The following PECR variants were observed in gnomAD, a reference collection of about 807,000 sequenced individuals.
The protein encoded by PECR is peroxisomal trans-2-enoyl-CoA reductase.
In PECR, 30 loss-of-function variants were observed where a neutral mutation model predicts 35.3. The ratio of observed to expected loss-of-function variants is 0.85; its 90% CI spans 0.64 to 1.15. The LOEUF (loss-of-function observed/expected upper bound fraction) is 1.15, where lower values mean the gene tolerates loss of function less well. Ranked by LOEUF, PECR falls within the 50% of genes most tolerant of loss-of-function variation. The pLI is 0.00. For synonymous variants in PECR, 148 were observed against 138.9 expected (o/e 1.07, Z -0.46); for missense variants, 392 against 370.8 (o/e 1.06, Z -0.47).
chr2:216,075,516 T>C (rs1409159194), intron 1 of PECR, among the ~76,000 whole-genome samples: 2 of 152,234 alleles, frequency 1.3e-5, no homozygotes, highest in Non-Finnish European at 2.9e-5. Context: ...CCTCTTATGC[T>C]ACCTTATAAT....
intron 7 of PECR, among the ~76,000 whole-genome samples, chr2:216,029,271 AGATTGAGACCATCGTC>A (rs1239159191): frequency 6.6e-6 from 1 of 152,044 alleles, no homozygotes; most frequent in African/African-American, 2.4e-5. Flanking sequence ...CGAGGTCAAG[AGATTGAGACCATCGTC>A]GCCAACATGG....
At chr2:216,045,793 T>C (rs1157455760) in intron 6 of PECR, among the ~76,000 whole-genome samples, 1 of 152,242 alleles carries the variant, frequency 6.6e-6, no homozygotes, top group Non-Finnish European at 1.5e-5. Flanking sequence ...CTTGCTCCAA[T>C]GAGCTCCTTT....
chr2:216,077,244 C>T (rs1323935126), intron 1 of PECR, among the ~76,000 whole-genome samples: 2 of 152,174 alleles, frequency 1.3e-5, no homozygotes, highest in African/African-American at 2.4e-5. Flanking sequence ...CCGAGGCTCA[C>T]GCCTGTAATC....
intron 3 of PECR, among the ~76,000 whole-genome samples, chr2:216,063,075 T>C (rs16855354): frequency 0.12 from 17,519 of 152,270 alleles, 1,457 homozygotes; most frequent in South Asian, 0.24. Flanking sequence ...TTTCTATTCA[T>C]ATATATGCAC....
chr2:216,029,922 G>C (rs550560273), intron 7 of PECR, among the ~76,000 whole-genome samples: 1 of 152,154 alleles, frequency 6.6e-6, no homozygotes, highest in East Asian at 1.9e-4. Flanking sequence ...TGGCTGAGTC[G>C]TATCTCTTAT....
At chr2:216,043,037 G>GTATATATATATACACATACGTATATA (rs1443360205) in intron 7 of PECR, among the ~76,000 whole-genome samples, 5 of 32,160 alleles carry the variant, frequency 1.6e-4, no homozygotes, top group Non-Finnish European at 3.4e-4. Flanking sequence ...ATATATGTAT[G>GTATATATATATACACATACGTATATA]TGTATATATA....
chr2:216,069,584 G>A (rs1421439206), intron 1 of PECR, among the ~76,000 whole-genome samples: 1 of 152,152 alleles, frequency 6.6e-6, no homozygotes, highest in African/African-American at 2.4e-5. Flanking sequence ...GAAAGTGCCT[G>A]TGACAAAGAA....
chr2:216,032,174 T>A (rs1694720597), intron 7 of PECR, among the ~76,000 whole-genome samples: 1 of 152,236 alleles, frequency 6.6e-6, no homozygotes, highest in South Asian at 2.1e-4. Flanking sequence ...TCCATGATAA[T>A]CATTTGCATT....
chr2:216,067,273 T>C (rs1374792330), intron 1 of PECR, among the ~76,000 whole-genome samples: 1 of 152,048 alleles, frequency 6.6e-6, no homozygotes, highest in African/African-American at 2.4e-5. Flanking sequence ...TGAGTACCAA[T>C]CGATGCTTGG....
intron 4 of PECR, among the ~76,000 whole-genome samples, chr2:216,055,175 C>T (rs1695200244): frequency 6.6e-6 from 1 of 151,262 alleles, no homozygotes; most frequent in Admixed American, 6.6e-5. Flanking sequence ...CAGTGGCTCA[C>T]GCCTGTAATC....
chr2:216,076,530 T>A lies in PECR; in HGVS notation c.124+5088A>T, dbSNP rs1401693229. Among the ~76,000 whole-genome samples the A allele has an allele frequency of 2.0e-5, 3 of 152,354 alleles. No individual in the cohort carries two copies. The East Asian group carries it at 5.8e-4, about 29-fold the overall frequency. On this transcript the variant is annotated intron_variant, in intron 1 of 7. Coordinates refer to ENST00000265322, the MANE Select transcript of PECR (RefSeq NM_018441.6). Reference sequence around the variant, plus strand: ...TATCTTGCTATTGTTCCTGGTGCAGTGGCTCACGCCTGTAATTCCAGCACT... The same window carrying A: ...TATCTTGCTATTGTTCCTGGTGCAGAGGCTCACGCCTGTAATTCCAGCACT...
downstream of PECR, among the ~76,000 whole-genome samples, chr2:216,035,017 T>C (rs776605521): frequency 5.3e-5 from 8 of 152,184 alleles, no homozygotes; most frequent in African/African-American, 1.7e-4. Flanking sequence ...ACACAGATCA[T>C]TGCTGAGCCC....
chr2:216,031,858 T>G (rs371490902), intron 7 of PECR, among the ~76,000 whole-genome samples: 2 of 152,226 alleles, frequency 1.3e-5, no homozygotes, highest in African/African-American at 2.4e-5. Context: ...AAGTCTTACC[T>G]ACCTGAGGAC....
At chr2:216,043,113 A>ATTTT (rs1694927970) in intron 7 of PECR, among the ~76,000 whole-genome samples, 1 of 145,232 alleles carries the variant, frequency 6.9e-6, no homozygotes, top group African/African-American at 2.6e-5. Flanking sequence ...GTATATATAT[A>ATTTT]TATTTTTTTT....
intron 7 of PECR, chr2:216,032,764 A>C (rs1230672546): frequency 6.6e-6 from 1 of 152,196 alleles, no homozygotes; most frequent in Non-Finnish European, 1.5e-5. Context: ...TGGGCTCAAT[A>C]ATTGCTAGTT....
chr2:216,051,256 G>T (rs1415498089), intron 5 of PECR, among the ~76,000 whole-genome samples, 193 bp downstream of exon 5: 2 of 135,910 alleles, frequency 1.5e-5, no homozygotes, highest in Non-Finnish European at 3.0e-5. Context: ...ACTGCACTCC[G>T]GCCTGGGCGA....
chr2:216,051,563 T>A lies in PECR; in HGVS notation c.507-18A>T. On this transcript the variant is annotated intron_variant, in intron 4 of 7. Coordinates refer to ENST00000265322, the MANE Select transcript of PECR (RefSeq NM_018441.6). The stretch of plus-strand genomic sequence containing the variant: ...CAGAATGCCTTTGAAAGACAAAACA[T>A]AAACATGACAATCAGCTTCTGTTGA... The A allele has an allele frequency of 7.0e-7, 1 of 1,430,064 alleles. No individual in the cohort carries two copies. Among genetic ancestry groups the A allele is most frequent in the Non-Finnish European group, 9.9e-7 (1 of 1,011,864 alleles). 88.6% of individuals were successfully genotyped at this position (1,430,064 alleles called of 1,614,324 possible).
intron 1 of PECR, among the ~76,000 whole-genome samples, chr2:216,069,878 G>C (rs1401885037): frequency 6.6e-6 from 1 of 151,268 alleles, no homozygotes; most frequent in Non-Finnish European, 1.5e-5. Flanking sequence ...AGAGGTTGTA[G>C]TGAGCTGAGA....
intron 3 of PECR, among the ~76,000 whole-genome samples, chr2:216,062,428 A>G (rs1044494353): frequency 6.6e-6 from 1 of 152,192 alleles, no homozygotes; most frequent in Non-Finnish European, 1.5e-5. Context: ...ACATTTTTCC[A>G]AAAGTAAATT....
Sources: gnomAD v4.1 joint callset for allele counts (sites outside exome capture counted in the v4.1 genomes callset) on GRCh38, gnomAD v4.1.1 for gene constraint, MANE v1.5 for transcripts, NCBI Gene and HGNC (gene_info 2026-07-23, HGNC 2026-07-21) for gene names.